Variants in MYT1 observed in about 807,000 individuals in gnomAD.
MYT1 encodes the protein myelin transcription factor I.
In MYT1, 23 loss-of-function variants were observed where a neutral mutation model predicts 123.0. The ratio of observed to expected loss-of-function variants is 0.19; its 90% CI spans 0.13 to 0.26. The LOEUF (loss-of-function observed/expected upper bound fraction) is 0.26, where lower values mean the gene tolerates loss of function less well. MYT1 is among the 10% of genes least tolerant of loss of function. The pLI is 1.00. For missense variants in MYT1, 1,125 were observed against 1,472.5 expected (o/e 0.76, Z 3.86); for synonymous variants, 518 against 575.3 (o/e 0.90, Z 1.43).
chr20:64,187,374 G>A (rs182324330), intron 1 of MYT1, among the ~76,000 whole-genome samples: 2,945 of 149,422 alleles, frequency 0.02, 29 homozygotes, highest in South Asian at 0.069. Context: ...CCACGTTTCC[G>A]TGGAGAGTTT....
intron 18 of MYT1, 159 bp downstream of exon 18, chr20:64,228,130 C>A: frequency 1.5e-6 from 1 of 674,460 alleles, no homozygotes; most frequent in Admixed American, 2.7e-5. Flanking sequence ...TTTATGGAAG[C>A]TCTCATACGC....
intron 1 of MYT1, among the ~76,000 whole-genome samples, chr20:64,187,493 C>T (rs528978186): frequency 8.5e-5 from 13 of 152,276 alleles, no homozygotes; most frequent in African/African-American, 1.9e-4. Context: ...CCTGTGGCCC[C>T]GGCATCCACG....
intron 19 of MYT1, among the ~76,000 whole-genome samples, chr20:64,236,001 C>T (rs1420818594): frequency 4.8e-5 from 5 of 104,118 alleles, no homozygotes; most frequent in South Asian, 3.5e-4. Flanking sequence ...CTGGGCTGGC[C>T]GCGGTGGGTG....
In MYT1 at chr20:64,207,885, A is replaced by G. The variant is rs1275406260; in HGVS notation, c.689A>G (p.Glu230Gly). Residue 230 changes from glutamate (E) to glycine (G), a missense_variant, in exon 7 of 23, where the codon GAG (glutamate) becomes GGG (glycine). Physicochemically the swap from Glu to Gly is moderately conservative, Grantham distance 98. Around this residue, in one of 4 missense-constraint regions of MYT1, gnomAD observed 406 missense variants for 432.2 expected, o/e 0.94. Transcript: ENST00000328439. ...GAGGAGGTCGTCGAAGTCACCACCG[A>G]GCGCTCCCAGGACCTGTGTCCCCAG... ...DAEEVVEVTT[E>G]RSQDLCPQSL... is the part of the protein sequence containing the mutation. The G allele has an allele frequency of 6.2e-7, 1 of 1,613,082 alleles. No homozygotes were observed. Among genetic ancestry groups the G allele is most frequent in the African/African-American group, 1.3e-5 (1 of 74,788 alleles).
At chr20:64,220,120 T>G in intron 13 of MYT1, 138 bp downstream of exon 13, 2 of 1,382,028 alleles carry the variant, frequency 1.4e-6, no homozygotes, top group Non-Finnish European at 1.9e-6. Flanking sequence ...TCCCTTTTCG[T>G]GAAGGGTCCT....
chr20:64,198,314 G>T (rs1194162731), intron 2 of MYT1, among the ~76,000 whole-genome samples: 7 of 85,270 alleles, frequency 8.2e-5, no homozygotes, highest in Non-Finnish European at 1.6e-4. Flanking sequence ...AAAAAAAAAA[G>T]CCTTCTGCTG....
chr20:64,194,789 C>CT (rs1983059562), intron 2 of MYT1, among the ~76,000 whole-genome samples: 1 of 152,204 alleles, frequency 6.6e-6, no homozygotes, highest in South Asian at 2.1e-4. Flanking sequence ...GCCCGTTGGG[C>CT]TTCATGGAAA....
intron 18 of MYT1, 177 bp downstream of exon 18, chr20:64,228,148 T>C (rs1984224946): frequency 4.8e-6 from 3 of 630,052 alleles, no homozygotes. Context: ...CGCTACACGT[T>C]GATACCTGTG....
intron 3 of MYT1, among the ~76,000 whole-genome samples, 183 bp from the exon 4 acceptor site, chr20:64,199,709 G>C (rs928194219): frequency 1.3e-5 from 2 of 152,150 alleles, no homozygotes; most frequent in African/African-American, 4.8e-5. Context: ...TGACCTTGGA[G>C]GACTCTCTGG....
intron 4 of MYT1, among the ~76,000 whole-genome samples, chr20:64,201,062 G>A (rs1161008115): frequency 6.6e-6 from 1 of 152,212 alleles, no homozygotes; most frequent in Non-Finnish European, 1.5e-5. Flanking sequence ...GTCGCCCAGG[G>A]ACACGGTGGA....
chr20:64,215,319 G>A lies in MYT1; in HGVS notation c.1631+1672G>A, dbSNP rs930157277. On this transcript the variant is annotated intron_variant, in intron 10 of 22. Transcript: ENST00000328439. ...TAAAAGTAGGACAACAAACTAAGTC[G>A]CTCATGAGGCTCAAGTGACACTCTG... Among the ~76,000 whole-genome samples, 10 of 152,260 alleles carry A rather than the reference G, an allele frequency of 6.6e-5. No individual in the cohort carries two copies. In the South Asian group the frequency reaches 8.3e-4, roughly 13 times the overall value.
intron 1 of MYT1, among the ~76,000 whole-genome samples, chr20:64,176,667 C>T (rs1207307026): frequency 6.6e-6 from 1 of 152,246 alleles, no homozygotes; most frequent in African/African-American, 2.4e-5. Flanking sequence ...TGTGTGTCTG[C>T]GTGGAGCAGT....
At chr20:64,171,707 A>G (rs1283167391) in intron 1 of MYT1, among the ~76,000 whole-genome samples, 1 of 142,546 alleles carries the variant, frequency 7.0e-6, no homozygotes, top group Non-Finnish European at 1.5e-5. Context: ...AACCTCTGGC[A>G]TCTGGAGGAA....
rs1225982642 is a variant in MYT1, at chr20:64,212,097, A to T, written c.1476A>T (p.Thr492=). The change falls in exon 9 of 23, where the codon ACA becomes ACT. Residue 492 remains threonine, a synonymous_variant. Transcript: ENST00000328439. The surrounding 1 kb of genome is among the most constrained non-coding windows in gnomAD (Gnocchi z 6.8). ...NVLKCPTPGC[T]GQGHVNSNRN... is the part of the protein sequence containing the mutation. ...TGAAGTGCCCCACTCCTGGCTGCAC[A>T]GGCCAGGGTCACGTGAACAGCAACC... is the stretch of plus-strand genomic sequence containing the variant. The T allele has an allele frequency of 6.2e-7, 1 of 1,613,136 alleles. No homozygotes were observed. The highest frequency in any genetic ancestry group is 8.5e-7 in the Non-Finnish European group (1 of 1,179,576).
In MYT1 at chr20:64,234,386, C is replaced by T. The variant is rs556420301; in HGVS notation, c.2897+2001C>T. On this transcript the variant is annotated intron_variant, in intron 19 of 22. Coordinates refer to ENST00000328439, the MANE Select transcript of MYT1 (RefSeq NM_004535.3). Reference sequence around the variant, plus strand: ...CCAGAGGGAGCCCTGCTGAGAGCAACGGTGCCCTGGCCCCCCGAGTATCAG... The same window carrying T: ...CCAGAGGGAGCCCTGCTGAGAGCAATGGTGCCCTGGCCCCCCGAGTATCAG... Among the ~76,000 whole-genome samples the T allele has an allele frequency of 6.6e-5, 10 of 152,284 alleles. No homozygotes were observed. The South Asian group carries it at 1.5e-3, about 22-fold the overall frequency.
intron 15 of MYT1, 38 bp from the exon 16 acceptor site, chr20:64,223,253 C>G: frequency 1.9e-6 from 3 of 1,613,928 alleles, no homozygotes; most frequent in Non-Finnish European, 2.5e-6. Context: ...TGCTCTCCCT[C>G]TTTGGCTTAC....
chr20:64,194,029 G>C (rs1449991517), intron 2 of MYT1, among the ~76,000 whole-genome samples: 1 of 152,096 alleles, frequency 6.6e-6, no homozygotes, highest in Admixed American at 6.5e-5. Flanking sequence ...TCTGACCACG[G>C]CTCTCCACAC....
In MYT1 at chr20:64,207,879, CCACCGAGCG is replaced by C; in HGVS notation, c.685_693del (p.Thr229_Arg231del). 1 of 1,613,170 alleles carries C rather than the reference CCACCGAGCG, an allele frequency of 6.2e-7. No individual in the cohort carries two copies. Among genetic ancestry groups the C allele is most frequent in the Non-Finnish European group, 8.5e-7 (1 of 1,179,810 alleles). On this transcript the variant is annotated inframe_deletion, in exon 7 of 23. Coordinates refer to ENST00000328439, the MANE Select transcript of MYT1 (RefSeq NM_004535.3). ...GATGCCGAGGAGGTCGTCGAAGTCA[CCACCGAGCG>C]CTCCCAGGACCTGTGTCCCCAGTCC... is the stretch of plus-strand genomic sequence containing the variant.
In MYT1 at chr20:64,232,398, G is replaced by C. The variant is rs185928203; in HGVS notation, c.2897+13G>C. ...TCACCCACCGGAGGTAACTGTGCCT[G>C]CAGGTCCTGCCCCTCTGTGCAGTCA... On this transcript the variant is annotated intron_variant, in intron 19 of 22. Coordinates refer to ENST00000328439, the MANE Select transcript of MYT1 (RefSeq NM_004535.3). The surrounding 1 kb of genome is among the most constrained non-coding windows in gnomAD (Gnocchi z 6.9). 3.9e-4 allele frequency: 627 copies of C among 1,612,212 alleles called. 2 individuals carry two copies. Among genetic ancestry groups the C allele is most frequent in the Non-Finnish European group, 3.3e-4 (394 of 1,179,372 alleles).
Sources: gnomAD v4.1 joint callset for allele counts (sites outside exome capture counted in the v4.1 genomes callset) on GRCh38, gnomAD v4.1.1 for gene constraint, gnomAD v4.1.1 regional missense constraint, Gnocchi (gnomAD v3.1) non-coding constraint, MANE v1.5 for transcripts, NCBI Gene and HGNC (gene_info 2026-07-23, HGNC 2026-07-21) for gene names.